The following TNKS variants were observed in gnomAD, a reference collection of about 807,000 sequenced individuals.
TNKS encodes the protein poly [ADP-ribose] polymerase tankyrase-1.
TNKS carries 72 observed loss-of-function variants against 135.8 expected under a neutral mutation model. That is an observed-to-expected ratio of 0.53 (90% CI 0.44 to 0.64). The LOEUF is 0.64. Ranked by LOEUF, TNKS falls within the 30% of genes least tolerant of loss-of-function variation. The pLI is 0.00. For synonymous variants in TNKS, 849 were observed against 649.3 expected (o/e 1.31, Z -4.68); for missense variants, 1,769 against 1,674.0 (o/e 1.06, Z -0.99).
chr8:9,557,078 G>A (rs907522960), intron 1 of TNKS: 9 of 182,374 alleles, frequency 4.9e-5, no homozygotes, highest in Non-Finnish European at 8.0e-5. Flanking sequence ...CCCAATGAAA[G>A]ACATAAATGA....
intron 2 of TNKS, among the ~76,000 whole-genome samples, chr8:9,598,808 TATATATATATGA>T (rs1325342196): frequency 7.8e-5 from 8 of 102,684 alleles, no homozygotes; most frequent in Non-Finnish European, 1.7e-4. Flanking sequence ...TATATATATA[TATATATATATGA>T]ATGAATTGGT....
In TNKS at chr8:9,642,401, A is replaced by G. The variant is rs1292267364; in HGVS notation, c.994+26724A>G. Among the ~76,000 whole-genome samples, 3 of 146,512 alleles carry G rather than the reference A, an allele frequency of 2.0e-5. 1 individual carries two copies. The Admixed American group carries it at 2.2e-4, about 11-fold the overall frequency. On this transcript the variant is annotated intron_variant, in intron 3 of 26. Coordinates refer to ENST00000310430, the MANE Select transcript of TNKS (RefSeq NM_003747.3). ...AATTAGAAATGTCAATTTATTTGAA[A>G]CAGTTTTCTACTTTTGTCACACTAG...
chr8:9,707,009 T>C lies in TNKS; in HGVS notation c.1456+12T>C. The C allele has an allele frequency of 6.4e-7, 1 of 1,552,994 alleles. No individual in the cohort carries two copies. Among genetic ancestry groups the C allele is most frequent in the South Asian group, 1.2e-5 (1 of 82,988 alleles). On this transcript the variant is annotated intron_variant, in intron 8 of 26. Coordinates refer to ENST00000310430, the MANE Select transcript of TNKS (RefSeq NM_003747.3). Reference sequence around the variant, plus strand: ...GGAGAGATTGACTTGTACGTATTTATATCCCGAAATCATTATCGCATAAAT... The same window carrying C: ...GGAGAGATTGACTTGTACGTATTTACATCCCGAAATCATTATCGCATAAAT...
intron 1 of TNKS, among the ~76,000 whole-genome samples, chr8:9,559,486 T>C (rs1215945064): frequency 6.6e-6 from 1 of 152,178 alleles, no homozygotes; most frequent in Non-Finnish European, 1.5e-5. Flanking sequence ...ATGTGCAGGT[T>C]TGTTACATGG....
At chr8:9,665,487 A>G (rs1801942821) in intron 3 of TNKS, among the ~76,000 whole-genome samples, 1 of 152,166 alleles carries the variant, frequency 6.6e-6, no homozygotes, top group Non-Finnish European at 1.5e-5. Flanking sequence ...GAATTCACCA[A>G]TGCCTTTGGT....
chr8:9,717,940 C>G (rs572837071), intron 11 of TNKS, among the ~76,000 whole-genome samples: 2 of 152,086 alleles, frequency 1.3e-5, no homozygotes, highest in African/African-American at 4.8e-5. Context: ...TAGATATATA[C>G]AGGCAAAATA....
chr8:9,715,365 G>C (rs28371382), intron 11 of TNKS, among the ~76,000 whole-genome samples: 144 of 151,032 alleles, frequency 9.5e-4, no homozygotes, highest in African/African-American at 3.3e-3. Context: ...GCAGCAGGGG[G>C]GGCGGGTATG....
At chr8:9,762,998 G>A (rs1807229577) in intron 21 of TNKS, 149 bp from the exon 22 acceptor site, 2 of 397,518 alleles carry the variant, frequency 5.0e-6, no homozygotes, top group South Asian at 1.1e-4. Flanking sequence ...TAAAGTAACC[G>A]AATTTATCAG....
chr8:9,658,420 G>C, intron 3 of TNKS: 5 of 1,230,098 alleles, frequency 4.1e-6, no homozygotes, highest in Non-Finnish European at 5.4e-6. Flanking sequence ...TCCTCCCGGC[G>C]GTCGGGCGGC....
chr8:9,705,125 T>C lies in TNKS; in HGVS notation c.1202+368T>C, dbSNP rs73531205. ...ACAGATAGTAAAGGATCATCCTTTA[T>C]TGATAAACCAAAATCATAAGTATAC... On this transcript the variant is annotated intron_variant, in intron 6 of 26. Coordinates refer to ENST00000310430, the MANE Select transcript of TNKS (RefSeq NM_003747.3). 2.7e-3 allele frequency among the ~76,000 whole-genome samples: 416 copies of C among 152,316 alleles called. 1 individual carries two copies. The highest frequency in any genetic ancestry group is 9.3e-3 in the African/African-American group (388 of 41,584).
intron 2 of TNKS, among the ~76,000 whole-genome samples, chr8:9,592,460 A>G (rs962943744): frequency 3.3e-5 from 5 of 152,196 alleles, no homozygotes; most frequent in African/African-American, 7.2e-5. Flanking sequence ...TAGTTCTAGT[A>G]TATTGTAAAC....
At chr8:9,734,433 C>A (rs1805589292) in intron 15 of TNKS, among the ~76,000 whole-genome samples, 1 of 151,528 alleles carries the variant, frequency 6.6e-6, no homozygotes, top group South Asian at 2.1e-4. Context: ...TTACTGATGG[C>A]CTTTAGAATT....
intron 17 of TNKS, among the ~76,000 whole-genome samples, chr8:9,744,155 G>C (rs1331247917): frequency 1.3e-5 from 2 of 152,096 alleles, no homozygotes; most frequent in African/African-American, 4.8e-5. Context: ...TTGCATGAGA[G>C]TTGATATTAG....
chr8:9,630,050 C>T (rs1204384559), intron 3 of TNKS, among the ~76,000 whole-genome samples: 2 of 152,182 alleles, frequency 1.3e-5, no homozygotes, highest in Non-Finnish European at 2.9e-5. Flanking sequence ...TTCCTGACCT[C>T]TCAAATGGGC....
At chr8:9,677,427 G>A (rs183563961) in intron 3 of TNKS, among the ~76,000 whole-genome samples, 8 of 152,164 alleles carry the variant, frequency 5.3e-5, no homozygotes, top group Non-Finnish European at 1.2e-4. Context: ...TTTGAACTTT[G>A]AGGTTCCTAA....
In TNKS at chr8:9,765,686, T is replaced by G; in HGVS notation, c.3448-6T>G. 6.2e-7 allele frequency: 1 copy of G among 1,611,214 alleles called. No homozygotes were observed. The highest frequency in any genetic ancestry group is 1.3e-5 in the African/African-American group (1 of 74,970). ...GATAATGTTTCTTTCTTCTTCATCC[T>G]TAAAGATTCAAAAAGTTGTCAACAA... On this transcript the variant is annotated splice_polypyrimidine_tract_variant and splice_region_variant and intron_variant, in intron 23 of 26. Coordinates refer to ENST00000310430, the MANE Select transcript of TNKS (RefSeq NM_003747.3).
chr8:9,763,570 A>G (rs565310177), intron 22 of TNKS, among the ~76,000 whole-genome samples: 1 of 152,346 alleles, frequency 6.6e-6, no homozygotes, highest in East Asian at 1.9e-4. Context: ...ACATAGAATG[A>G]AAAACTCTTG....
intron 18 of TNKS, among the ~76,000 whole-genome samples, chr8:9,750,616 C>A (rs748506335): frequency 7.9e-5 from 12 of 152,352 alleles, no homozygotes; most frequent in Middle Eastern, 3.4e-3. Flanking sequence ...TCAGCAATAA[C>A]CAGGCCACCC....
intron 23 of TNKS, 86 bp downstream of exon 23, chr8:9,764,876 T>C: frequency 9.4e-7 from 1 of 1,062,258 alleles, no homozygotes; most frequent in Non-Finnish European, 1.3e-6. Flanking sequence ...GTTTATTAAG[T>C]CATATTTTCA....
Sources: gnomAD v4.1 joint callset for allele counts (sites outside exome capture counted in the v4.1 genomes callset) on GRCh38, gnomAD v4.1.1 for gene constraint, MANE v1.5 for transcripts, NCBI Gene and HGNC (gene_info 2026-07-23, HGNC 2026-07-21) for gene names.